The following POU6F2 variants were observed in gnomAD, a reference collection of about 807,000 sequenced individuals.
POU6F2 encodes POU domain, class 6, transcription factor 2.
POU6F2 carries 31 observed loss-of-function variants against 71.3 expected under a neutral mutation model. That is an observed-to-expected ratio of 0.43 (90% confidence interval 0.33 to 0.59). The LOEUF is 0.59. POU6F2 is among the 20% of genes least tolerant of loss of function. The pLI, the probability that POU6F2 is intolerant of heterozygous loss-of-function variation, is 0.04. For synonymous variants in POU6F2, 347 were observed against 355.7 expected (o/e 0.98, Z 0.27); for missense variants, 783 against 856.8 (o/e 0.91, Z 1.07).
intron 6 of POU6F2, among the ~76,000 whole-genome samples, chr7:39,408,189 C>T (rs1036397657): frequency 1.3e-5 from 2 of 152,158 alleles, no homozygotes; most frequent in African/African-American, 4.8e-5. Flanking sequence ...GGACACCCTG[C>T]CTCACTCCTG....
chr7:39,270,728 C>T (rs1366117431), intron 4 of POU6F2, among the ~76,000 whole-genome samples: 1 of 152,116 alleles, frequency 6.6e-6, no homozygotes, highest in African/African-American at 2.4e-5. Flanking sequence ...TCCCCTGGTG[C>T]ACTCAAACTT....
Position 39,005,484 on chromosome 7 carries a change from CTG to C in POU6F2, c.105+27456_105+27457del, listed in dbSNP as rs56984287. Among the ~76,000 whole-genome samples the C allele has an allele frequency of 1.5e-3, 195 of 126,688 alleles. 2 individuals carry two copies. The highest frequency in any genetic ancestry group is 4.2e-3 in the African/African-American group (154 of 36,644). 83.1% of individuals were successfully genotyped at this position (126,688 alleles called of 152,430 possible). A position where few individuals can be genotyped will look rare whatever the true frequency, so the allele number is the denominator to read the frequency against. ...ATGCTTTCTGGGGAAAGGGAGAAAC[CTG>C]TGTGTGTGTGTGTGTGTGTGTGTGT... On this transcript the variant is annotated intron_variant, in intron 1 of 9. Transcript: ENST00000518318.
intron 6 of POU6F2, among the ~76,000 whole-genome samples, chr7:39,427,832 T>G (rs1788008798): frequency 6.6e-6 from 1 of 152,238 alleles, no homozygotes; most frequent in Non-Finnish European, 1.5e-5. Flanking sequence ...AACATATCAT[T>G]GGCTATAACA....
At chr7:39,229,489 C>A (rs1454745351) in intron 4 of POU6F2, among the ~76,000 whole-genome samples, 2 of 152,228 alleles carry the variant, frequency 1.3e-5, no homozygotes, top group Non-Finnish European at 2.9e-5. Context: ...AATTTCCCAA[C>A]AATGATTCCA....
intron 2 of POU6F2, among the ~76,000 whole-genome samples, chr7:39,155,476 T>C (rs1792851115): frequency 6.6e-6 from 1 of 152,184 alleles, no homozygotes; most frequent in Non-Finnish European, 1.5e-5. Context: ...GAGAATGATT[T>C]GTTGAAGACC....
At position 39,346,684 on chromosome 7, in the gene POU6F2, G is replaced by T. The variant is rs192497482; in HGVS notation, c.972+6669G>T. On this transcript the variant is annotated intron_variant, in intron 5 of 9. Transcript: ENST00000518318. ...TGGCAATTTGAGATGCCCAAAATATGCCGGCTGGCACTTTGCTCTGAATGA... is the reference window on the plus strand; with the variant it reads ...TGGCAATTTGAGATGCCCAAAATATTCCGGCTGGCACTTTGCTCTGAATGA... Among the ~76,000 whole-genome samples, 4 of 152,340 alleles carry T rather than the reference G, an allele frequency of 2.6e-5. No homozygotes were observed. The East Asian group carries it at 7.7e-4, about 29-fold the overall frequency.
intron 4 of POU6F2, among the ~76,000 whole-genome samples, chr7:39,267,982 G>A (rs542556711): frequency 6.6e-6 from 1 of 152,292 alleles, no homozygotes; most frequent in South Asian, 2.1e-4. Flanking sequence ...TTGACTGGAA[G>A]GGGTTACTCA....
intron 4 of POU6F2, among the ~76,000 whole-genome samples, chr7:39,338,410 C>T (rs909400087): frequency 3.9e-5 from 6 of 152,230 alleles, no homozygotes; most frequent in Middle Eastern, 3.4e-3. Flanking sequence ...CATCACAAGC[C>T]CCAGAACACC....
chr7:39,205,703 G>A (rs988282643), intron 3 of POU6F2, among the ~76,000 whole-genome samples: 1 of 152,126 alleles, frequency 6.6e-6, no homozygotes, highest in Non-Finnish European at 1.5e-5. Context: ...ACAGTTACTT[G>A]GTGTGAATTT....
chr7:39,146,993 G>C (rs1269326837), intron 2 of POU6F2, among the ~76,000 whole-genome samples: 1 of 152,018 alleles, frequency 6.6e-6, no homozygotes, highest in Non-Finnish European at 1.5e-5. Context: ...GTACAAAAAA[G>C]AGCTTAACTG....
At chr7:39,055,634 G>A (rs1362775261) in intron 1 of POU6F2, among the ~76,000 whole-genome samples, 1 of 151,228 alleles carries the variant, frequency 6.6e-6, no homozygotes, top group Admixed American at 6.6e-5. Flanking sequence ...TTCTTTTTTT[G>A]TCTAGTTTTT....
At chr7:39,284,218 AT>A (rs1784613365) in intron 4 of POU6F2, among the ~76,000 whole-genome samples, 1 of 152,206 alleles carries the variant, frequency 6.6e-6, no homozygotes, top group African/African-American at 2.4e-5. Context: ...CATTTAACAC[AT>A]CTCAGGCTGG....
chr7:39,275,087 A>G (rs1292937618), intron 4 of POU6F2, among the ~76,000 whole-genome samples: 3 of 151,888 alleles, frequency 2.0e-5, no homozygotes, highest in Non-Finnish European at 2.9e-5. Flanking sequence ...AGGGTATTCA[A>G]TTAGGAAAAC....
At chr7:39,180,756 A>G (rs990359242) in intron 2 of POU6F2, among the ~76,000 whole-genome samples, 5 of 152,044 alleles carry the variant, frequency 3.3e-5, no homozygotes, top group Non-Finnish European at 5.9e-5. Flanking sequence ...GACCCAGCAC[A>G]TTTGTTTTTG....
At chr7:38,998,105 C>T (rs758378162) in intron 1 of POU6F2, among the ~76,000 whole-genome samples, 4 of 152,126 alleles carry the variant, frequency 2.6e-5, no homozygotes, top group Non-Finnish European at 5.9e-5. Context: ...TTATTTTCTC[C>T]GAAGAATTTT....
intron 4 of POU6F2, among the ~76,000 whole-genome samples, chr7:39,234,707 A>C (rs1267768891): frequency 6.6e-6 from 1 of 152,130 alleles, no homozygotes; most frequent in African/African-American, 2.4e-5. Context: ...TCTTCATAGG[A>C]GCGAACTACT....
chr7:39,220,709 G>A (rs943458136), intron 4 of POU6F2, among the ~76,000 whole-genome samples: 5 of 151,916 alleles, frequency 3.3e-5, no homozygotes, highest in African/African-American at 1.2e-4. Flanking sequence ...AAGGCACTCT[G>A]ATTTCTGAGA....
chr7:39,222,575 C>G (rs1183050606), intron 4 of POU6F2, among the ~76,000 whole-genome samples: 1 of 152,166 alleles, frequency 6.6e-6, no homozygotes, highest in African/African-American at 2.4e-5. Flanking sequence ...ATCCCCCTCC[C>G]CCAGTCCCTG....
chr7:39,081,088 A>G (rs917379488), intron 1 of POU6F2, among the ~76,000 whole-genome samples: 1 of 152,262 alleles, frequency 6.6e-6, no homozygotes, highest in African/African-American at 2.4e-5. Flanking sequence ...ATCAGAAGTT[A>G]GCATATAATG....
Sources: allele counts gnomAD v4.1 joint callset (sites outside exome capture counted in the v4.1 genomes callset), GRCh38; gene constraint gnomAD v4.1.1; transcripts MANE v1.5; gene names NCBI Gene and HGNC (gene_info 2026-07-23, HGNC 2026-07-21).